The following RACGAP1 variants were observed in gnomAD, a reference collection of about 807,000 sequenced individuals.
RACGAP1 encodes the protein Rac GTPase activating protein 1.
Under a neutral mutation model 78.1 loss-of-function variants are expected in RACGAP1, and 30 were observed. The ratio of observed to expected loss-of-function variants is 0.38; its 90% CI spans 0.29 to 0.52. The LOEUF is 0.52. Ranked by LOEUF, RACGAP1 falls within the 20% of genes least tolerant of loss-of-function variation. The pLI is 0.82. For synonymous variants in RACGAP1, 231 were observed against 264.8 expected (o/e 0.87, Z 1.24); for missense variants, 587 against 777.1 (o/e 0.76, Z 2.91).
chr12:50,016,148 G>A (rs1307292482), intron 2 of RACGAP1, among the ~76,000 whole-genome samples: 10 of 152,128 alleles, frequency 6.6e-5, no homozygotes, highest in South Asian at 2.1e-4. Flanking sequence ...TTGGGAGGCC[G>A]AGGCGGGCGG....
upstream of RACGAP1, among the ~76,000 whole-genome samples, chr12:50,027,405 A>G (rs1383782772): frequency 1.3e-5 from 2 of 152,220 alleles, no homozygotes; most frequent in African/African-American, 4.8e-5. Context: ...GGAGTGTTAA[A>G]AAAGCCTGCA....
At chr12:49,996,612 G>A (rs1052906633) in intron 10 of RACGAP1, among the ~76,000 whole-genome samples, 14 of 86,766 alleles carry the variant, frequency 1.6e-4, no homozygotes, top group African/African-American at 6.0e-4. Flanking sequence ...GTGCACTCCA[G>A]CCTAGGCAAT....
chr12:49,999,456 G>A, intron 8 of RACGAP1, 160 bp downstream of exon 8: 1 of 989,164 alleles, frequency 1.0e-6, no homozygotes, highest in Non-Finnish European at 1.5e-6. Flanking sequence ...GCAATTCAAA[G>A]GTAAAGCATG....
chr12:50,019,332 G>C (rs1949864095), intron 1 of RACGAP1, among the ~76,000 whole-genome samples: 1 of 152,050 alleles, frequency 6.6e-6, no homozygotes, highest in South Asian at 2.1e-4. Context: ...CTGTGTCCCA[G>C]CTAGAATATA....
At chr12:50,026,990 A>G (rs1418804946), upstream of RACGAP1, among the ~76,000 whole-genome samples, 1 of 152,152 alleles carries the variant, frequency 6.6e-6, no homozygotes, top group East Asian at 1.9e-4. Flanking sequence ...GAACAATAGC[A>G]GGCGTTCGGC....
chr12:50,028,736 C>T (rs1484662082), upstream of RACGAP1, among the ~76,000 whole-genome samples: 1 of 151,986 alleles, frequency 6.6e-6, no homozygotes, highest in Non-Finnish European at 1.5e-5. Context: ...CATGCCATTG[C>T]ACCCCAGCCT....
At chr12:50,021,179 TA>T (rs1949986542) in intron 1 of RACGAP1, 2 of 943,626 alleles carry the variant, frequency 2.1e-6, no homozygotes, top group Non-Finnish European at 1.3e-6. Flanking sequence ...GGAGATACAC[TA>T]ATGTGAAAGG....
intron 4 of RACGAP1, among the ~76,000 whole-genome samples, 172 bp from the exon 5 acceptor site, chr12:50,004,476 T>TAC (rs1948856974): frequency 6.6e-6 from 1 of 152,238 alleles, no homozygotes; most frequent in Admixed American, 6.5e-5. Context: ...TTTGTATGGT[T>TAC]TCCACGGAGG....
intron 11 of RACGAP1, 24 bp downstream of exon 11, chr12:49,994,389 AC>A (rs771479024): frequency 6.2e-7 from 1 of 1,612,930 alleles, no homozygotes; most frequent in South Asian, 1.1e-5. Context: ...TAACAAATTC[AC>A]CATCTCCTAC....
At chr12:50,029,607 T>C (rs1300033574), upstream of RACGAP1, among the ~76,000 whole-genome samples, 1 of 150,672 alleles carries the variant, frequency 6.6e-6, no homozygotes, top group African/African-American at 2.4e-5. Flanking sequence ...AAAAAAAAAT[T>C]TGAGGGCTGG....
intron 2 of RACGAP1, among the ~76,000 whole-genome samples, chr12:50,013,929 A>T (rs1302980219): frequency 2.0e-5 from 3 of 152,180 alleles, no homozygotes; most frequent in Admixed American, 1.3e-4. Context: ...ACTCTGATCC[A>T]TCTTCTGAGA....
At chr12:50,020,302 C>T (rs981749580) in intron 1 of RACGAP1, among the ~76,000 whole-genome samples, 1 of 151,764 alleles carries the variant, frequency 6.6e-6, no homozygotes, top group East Asian at 1.9e-4. Context: ...CTCAGCCTCC[C>T]GAGTAGCTGG....
chr12:50,025,379 T>A lies in RACGAP1; in HGVS notation c.-5+19A>T, dbSNP rs1437705188. Reference sequence around the variant, plus strand: ...AATCCAGCGGCAGACGCACCTGGTCTGGCACCCCCACTACTCACTTCAGTC... The same window carrying A: ...AATCCAGCGGCAGACGCACCTGGTCAGGCACCCCCACTACTCACTTCAGTC... On this transcript the variant is annotated intron_variant, in intron 1 of 16. Transcript: ENST00000312377. The A allele has an allele frequency of 1.0e-6, 1 of 985,810 alleles. No homozygotes were observed. Among genetic ancestry groups the A allele is most frequent in the Non-Finnish European group, 1.2e-6 (1 of 830,246 alleles). The allele number at this position is 985,810 out of a possible 1,614,324, so 61.1% of individuals were successfully genotyped here. A position where few individuals can be genotyped will look rare whatever the true frequency, so the allele number is the denominator to read the frequency against.
intron 2 of RACGAP1, among the ~76,000 whole-genome samples, chr12:50,011,812 A>G (rs1261927774): frequency 1.3e-5 from 2 of 151,168 alleles, no homozygotes; most frequent in African/African-American, 4.9e-5. Context: ...AAATTAGCTG[A>G]GCGTGGTGGC....
At chr12:50,001,965 C>T (rs1012406141) in intron 6 of RACGAP1, among the ~76,000 whole-genome samples, 20 of 151,134 alleles carry the variant, frequency 1.3e-4, no homozygotes, top group African/African-American at 4.9e-4. Flanking sequence ...CTTGGGAGGC[C>T]GACGCAGGAG....
intron 16 of RACGAP1, 78 bp from the exon 17 acceptor site, chr12:49,990,421 T>C: frequency 7.9e-7 from 1 of 1,263,696 alleles, no homozygotes; most frequent in Non-Finnish European, 1.1e-6. Flanking sequence ...TTACTTGATA[T>C]AACCCATTAT....
chr12:50,012,758 C>CA (rs1203024101), intron 2 of RACGAP1, among the ~76,000 whole-genome samples: 29 of 144,532 alleles, frequency 2.0e-4, no homozygotes, highest in East Asian at 4.2e-4. Flanking sequence ...GACTCTGTTT[C>CA]AAAAAAAATA....
At chr12:50,018,422 C>T (rs1949802027) in intron 1 of RACGAP1, 4 of 773,804 alleles carry the variant, frequency 5.2e-6, no homozygotes, top group Admixed American at 5.6e-5. Context: ...AAACTAAGAA[C>T]AAAACTAAAA....
At chr12:50,015,807 TAAA>T (rs923978797) in intron 2 of RACGAP1, among the ~76,000 whole-genome samples, 1 of 138,474 alleles carries the variant, frequency 7.2e-6, no homozygotes, top group East Asian at 2.1e-4. Context: ...ATCTCAAAAA[TAAA>T]AAAAAAATTA....
Sources: gnomAD v4.1 joint callset for allele counts (sites outside exome capture counted in the v4.1 genomes callset) on GRCh38, gnomAD v4.1.1 for gene constraint, MANE v1.5 for transcripts, NCBI Gene and HGNC (gene_info 2026-07-23, HGNC 2026-07-21) for gene names.